MAN1C1: variants seen among roughly 807,000 people sequenced by gnomAD.
MAN1C1 encodes the protein mannosyl-oligosaccharide 1,2-alpha-mannosidase IC.
A neutral mutation model predicts 71.5 loss-of-function variants in MAN1C1; 49 were observed. The observed-to-expected ratio is 0.69, with a 90% CI of 0.54 to 0.87. The LOEUF (loss-of-function observed/expected upper bound fraction) is 0.87. MAN1C1 is among the 40% of genes least tolerant of loss of function. The pLI, the probability that MAN1C1 is intolerant of heterozygous loss-of-function variation, is 0.00. For synonymous variants in MAN1C1, 352 were observed against 343.7 expected (o/e 1.02, Z -0.27); for missense variants, 743 against 835.0 (o/e 0.89, Z 1.36).
Position 25,617,442 on chromosome 1 carries a change from G to T in MAN1C1, c.-356G>T. The T allele has an allele frequency of 6.7e-6, 1 of 148,858 alleles. No homozygotes were observed. The highest frequency in any genetic ancestry group is 2.1e-4 in the South Asian group (1 of 4,840). 9.2% of individuals were successfully genotyped at this position (148,858 alleles called of 1,614,324 possible). A position where few individuals can be genotyped will look rare whatever the true frequency, so the allele number is the denominator to read the frequency against. ...AGCCGGGACGCCGCGGACGGCATGT[G>T]ACGGTCCCGGCGGCCGCAGCGCGGG... On this transcript the variant is annotated 5_prime_UTR_variant, in exon 1 of 12. The change abolishes the stop of an existing upstream ORF in the 5' untranslated region. Coordinates refer to ENST00000374332, the MANE Select transcript of MAN1C1 (RefSeq NM_020379.4). The surrounding 1 kb of genome is among the most constrained non-coding windows in gnomAD (Gnocchi z 5.1).
chr1:25,643,835 C>G (rs2045573031), intron 1 of MAN1C1, among the ~76,000 whole-genome samples: 1 of 151,914 alleles, frequency 6.6e-6, no homozygotes, highest in Admixed American at 6.6e-5. Context: ...TGTTTTCTAC[C>G]CCCTAACATT....
At position 25,634,952 on chromosome 1, in the gene MAN1C1, A is replaced by C. The variant is rs1364650815; in HGVS notation, c.540+16615A>C. Reference sequence around the variant, plus strand: ...TGGTCTATAGTTTTTTTTTTTGTAAATCCTTTGTCTGGTTTTTGGTGTCAA... The same window carrying C: ...TGGTCTATAGTTTTTTTTTTTGTAACTCCTTTGTCTGGTTTTTGGTGTCAA... On this transcript the variant is annotated intron_variant, in intron 1 of 11. Transcript: ENST00000374332. This position sits in a 1 kb window ranked among gnomAD's most constrained non-coding sequence, Gnocchi z 4.6. Among the ~76,000 whole-genome samples, 1 of 151,422 alleles carries C rather than the reference A, an allele frequency of 6.6e-6. No homozygotes were observed. Among genetic ancestry groups the C allele is most frequent in the Non-Finnish European group, 1.5e-5 (1 of 67,874 alleles).
Position 25,617,887 on chromosome 1 carries a change from G to C in MAN1C1, c.90G>C (p.Ser30=), listed in dbSNP as rs1196719370. The change falls in exon 1 of 12, where the codon TCG becomes TCC. Residue 30 remains serine (S), a synonymous_variant. Coordinates refer to ENST00000374332, the MANE Select transcript of MAN1C1 (RefSeq NM_020379.4). This position sits in a 1 kb window ranked among gnomAD's most constrained non-coding sequence, Gnocchi z 5.1. Reference sequence around the variant, plus strand: ...AGTTCCTCTTCCTCCTCTTCCTCTCGGGCCTGGTCACCCTGTGCTTCGGGG... The same window carrying C: ...AGTTCCTCTTCCTCCTCTTCCTCTCCGGCCTGGTCACCCTGTGCTTCGGGG... ...PQKFLFLLFL[S]GLVTLCFGAL... 2 of 1,608,510 alleles carry C rather than the reference G, an allele frequency of 1.2e-6. No homozygotes were observed. The highest frequency in any genetic ancestry group is 1.7e-5 in the Admixed American group (1 of 59,524).
intron 1 of MAN1C1, among the ~76,000 whole-genome samples, chr1:25,649,404 C>A (rs2045659158): frequency 6.6e-6 from 1 of 152,212 alleles, no homozygotes; most frequent in South Asian, 2.1e-4. Context: ...CAGTGTGGGA[C>A]CTAAGGCTGG....
chr1:25,633,383 T>A (rs1056262469), intron 1 of MAN1C1, among the ~76,000 whole-genome samples: 10 of 152,228 alleles, frequency 6.6e-5, no homozygotes, highest in African/African-American at 2.4e-4. Flanking sequence ...TCTAGCACTG[T>A]CAGTAGAGTA....
At chr1:25,766,561 C>T (rs2124383513) in intron 7 of MAN1C1, among the ~76,000 whole-genome samples, 1 of 152,262 alleles carries the variant, frequency 6.6e-6, no homozygotes, top group East Asian at 1.9e-4. Flanking sequence ...TTACCTAGGC[C>T]TCTGCTCTTG....
At chr1:25,674,346 T>A (rs538106555) in intron 1 of MAN1C1, among the ~76,000 whole-genome samples, 1 of 152,214 alleles carries the variant, frequency 6.6e-6, no homozygotes, top group Non-Finnish European at 1.5e-5. Flanking sequence ...TCCTTAGTCA[T>A]TTAATCAACA....
rs377522465 is a variant in MAN1C1 at position 25,782,673 on chromosome 1, A to G, written c.1739A>G (p.Gln580Arg). 3 of 1,614,062 alleles carry G rather than the reference A, an allele frequency of 1.9e-6. No homozygotes were observed. Among genetic ancestry groups the G allele is most frequent in the Non-Finnish European group, 2.5e-6 (3 of 1,179,956 alleles). The part of the protein sequence containing the change: ...SSTPNHDNKQ[Q>R]SFFLAETLKY... ...ACCCCCAACCACGACAACAAGCAGC[A>G]GAGCTTCTTTCTAGCGGAGACACTA... The change falls in exon 11 of 12, where the codon CAG becomes CGG. Residue 580 changes from glutamine (Q) to arginine (R), a missense_variant. By Grantham distance (43) the Gln-to-Arg change is conservative. Coordinates refer to ENST00000374332, the MANE Select transcript of MAN1C1 (RefSeq NM_020379.4). This position sits in a 1 kb window ranked among gnomAD's most constrained non-coding sequence, Gnocchi z 4.4.
chr1:25,742,405 C>G (rs2047074483), intron 2 of MAN1C1, among the ~76,000 whole-genome samples: 1 of 152,216 alleles, frequency 6.6e-6, no homozygotes, highest in South Asian at 2.1e-4. Context: ...GCAGCAGATA[C>G]AGATGGGACC....
At chr1:25,660,967 A>G (rs56888295) in intron 1 of MAN1C1, among the ~76,000 whole-genome samples, 23,879 of 152,212 alleles carry the variant, frequency 0.16, 4,615 homozygotes, top group African/African-American at 0.44. Context: ...CTGGCATTAC[A>G]GGTGTGAGCC....
At chr1:25,664,481 A>G (rs2045893838) in intron 1 of MAN1C1, among the ~76,000 whole-genome samples, 1 of 152,238 alleles carries the variant, frequency 6.6e-6, no homozygotes, top group South Asian at 2.1e-4. Context: ...TCTGCCATAT[A>G]ATAGTGGTAG....
At chr1:25,780,829 C>A (rs1405460714) in intron 9 of MAN1C1, 111 bp from the exon 10 acceptor site, 3 of 1,149,616 alleles carry the variant, frequency 2.6e-6, no homozygotes, top group Non-Finnish European at 3.8e-6. Flanking sequence ...CACCCACACA[C>A]ACCTGACATC....
chr1:25,635,668 C>T (rs1217091676), intron 1 of MAN1C1, among the ~76,000 whole-genome samples: 5 of 152,166 alleles, frequency 3.3e-5, no homozygotes, highest in African/African-American at 1.2e-4. Flanking sequence ...AGGCTGGTCT[C>T]AAACTCCTGA....
At chr1:25,734,039 T>C (rs2046946921) in intron 2 of MAN1C1, among the ~76,000 whole-genome samples, 1 of 152,140 alleles carries the variant, frequency 6.6e-6, no homozygotes, top group African/African-American at 2.4e-5. Context: ...GACCTCGTGA[T>C]CCGCCCACCT....
At chr1:25,754,916 CT>C (rs1362838822) in intron 5 of MAN1C1, among the ~76,000 whole-genome samples, 3 of 152,240 alleles carry the variant, frequency 2.0e-5, no homozygotes, top group Non-Finnish European at 2.9e-5. Context: ...CAACATCCGC[CT>C]TTTTGTTCTT....
intron 1 of MAN1C1, among the ~76,000 whole-genome samples, chr1:25,655,927 C>A (rs1174394818): frequency 1.3e-5 from 2 of 151,702 alleles, no homozygotes; most frequent in African/African-American, 4.8e-5. Context: ...GGCTGTGGGT[C>A]GGGGAGAGAG....
chr1:25,701,498 G>T (rs2046443358), intron 2 of MAN1C1, among the ~76,000 whole-genome samples: 1 of 152,240 alleles, frequency 6.6e-6, no homozygotes, highest in Non-Finnish European at 1.5e-5. Context: ...GCAGGTCACA[G>T]CCAGGCTTGT....
At chr1:25,633,549 T>TTTTTTTTTTTTTTTA (rs748480143) in intron 1 of MAN1C1, among the ~76,000 whole-genome samples, 1 of 148,060 alleles carries the variant, frequency 6.8e-6, no homozygotes, top group African/African-American at 2.5e-5. Context: ...TTTTTTTTTT[T>TTTTTTTTTTTTTTTA]CACTGTTGTT....
chr1:25,638,233 T>C (rs1254774519), intron 1 of MAN1C1, among the ~76,000 whole-genome samples: 2 of 151,536 alleles, frequency 1.3e-5, no homozygotes, highest in Non-Finnish European at 3.0e-5. Context: ...GATTAGAATT[T>C]TCATCCTTAT....
Sources: gnomAD v4.1 joint callset for allele counts (sites outside exome capture counted in the v4.1 genomes callset) on GRCh38, gnomAD v4.1.1 for gene constraint, Gnocchi (gnomAD v3.1) non-coding constraint, MANE v1.5 for transcripts, NCBI Gene and HGNC (gene_info 2026-07-23, HGNC 2026-07-21) for gene names.